Variants in ZNF804A observed in about 807,000 individuals in gnomAD.
The protein encoded by ZNF804A is zinc finger protein 804A.
ZNF804A carries 2 observed loss-of-function variants against 16.5 expected under a neutral mutation model. The observed-to-expected ratio is 0.12, with a 90% CI of 0.05 to 0.38. The LOEUF (loss-of-function observed/expected upper bound fraction) is 0.38, where lower values mean the gene tolerates loss of function less well. ZNF804A is among the 10% of genes least tolerant of loss of function. The pLI, the probability that ZNF804A is intolerant of heterozygous loss-of-function variation, is 0.99. For synonymous variants in ZNF804A, 534 were observed against 489.6 expected, an observed-to-expected ratio of 1.09 and a Z score of -1.20; for missense variants, 1,473 against 1,390.7, an observed-to-expected ratio of 1.06 and a Z score of -0.94.
intron 1 of ZNF804A, among the ~76,000 whole-genome samples, chr2:184,706,167 T>C (rs1693027693): frequency 6.6e-6 from 1 of 152,152 alleles, no homozygotes; most frequent in Non-Finnish European, 1.5e-5. Context: ...GCCAAACCAG[T>C]GGATACAGCC....
At chr2:184,700,555 ACTT>A (rs1692902680) in intron 1 of ZNF804A, among the ~76,000 whole-genome samples, 1 of 152,100 alleles carries the variant, frequency 6.6e-6, no homozygotes, top group Non-Finnish European at 1.5e-5. Context: ...TAAAAAAATG[ACTT>A]ATGAACTGAC....
intron 1 of ZNF804A, among the ~76,000 whole-genome samples, chr2:184,721,689 A>T (rs992625548): frequency 6.6e-6 from 1 of 152,138 alleles, no homozygotes; most frequent in East Asian, 1.9e-4. Context: ...TTTCTCAAAA[A>T]GCTAAAGCTA....
intron 2 of ZNF804A, among the ~76,000 whole-genome samples, chr2:184,882,910 G>T (rs953379241): frequency 6.6e-6 from 1 of 151,940 alleles, no homozygotes. Flanking sequence ...CACAAAGCTA[G>T]CAGAAGAAAA....
chr2:184,868,255 T>C (rs1329987501), intron 2 of ZNF804A, among the ~76,000 whole-genome samples: 1 of 152,102 alleles, frequency 6.6e-6, no homozygotes, highest in African/African-American at 2.4e-5. Context: ...TTCCAGAAGC[T>C]AAAAATATTA....
chr2:184,605,083 TA>T (rs1298655077), intron 1 of ZNF804A, among the ~76,000 whole-genome samples: 6 of 152,154 alleles, frequency 3.9e-5, no homozygotes, highest in African/African-American at 1.4e-4. Flanking sequence ...AATGGTTTAT[TA>T]AAAGTATTAT....
chr2:184,867,879 C>G (rs1399836765), intron 2 of ZNF804A, among the ~76,000 whole-genome samples: 1 of 151,990 alleles, frequency 6.6e-6, no homozygotes, highest in Admixed American at 6.6e-5. Flanking sequence ...GAGTATATTA[C>G]TACACATATG....
intron 1 of ZNF804A, among the ~76,000 whole-genome samples, chr2:184,746,916 G>A (rs914470169): frequency 1.3e-5 from 2 of 151,342 alleles, no homozygotes; most frequent in East Asian, 3.9e-4. Context: ...AATAAAGGAC[G>A]TATTTTTGAG....
chr2:184,827,917 AG>A (rs1416988784), intron 1 of ZNF804A, among the ~76,000 whole-genome samples: 2 of 151,774 alleles, frequency 1.3e-5, no homozygotes, highest in African/African-American at 4.8e-5. Flanking sequence ...TTTCCTTGAG[AG>A]TGCGTACTTG....
At chr2:184,854,241 C>T (rs1279150529) in intron 1 of ZNF804A, among the ~76,000 whole-genome samples, 1 of 151,926 alleles carries the variant, frequency 6.6e-6, no homozygotes, top group East Asian at 1.9e-4. Flanking sequence ...TACCTGACCT[C>T]ATGTGATGGA....
intron 2 of ZNF804A, among the ~76,000 whole-genome samples, chr2:184,884,566 A>G (rs925053848): frequency 6.6e-5 from 10 of 152,180 alleles, no homozygotes; most frequent in African/African-American, 2.2e-4. Flanking sequence ...CTGTAAAACT[A>G]TGGTAACCAG....
intron 1 of ZNF804A, among the ~76,000 whole-genome samples, chr2:184,600,537 A>G (rs1691028702): frequency 6.6e-6 from 1 of 152,232 alleles, no homozygotes; most frequent in African/African-American, 2.4e-5. Flanking sequence ...AGAAGTAAAA[A>G]AGGAAGGTAA....
At chr2:184,620,254 T>G (rs758315287) in intron 1 of ZNF804A, among the ~76,000 whole-genome samples, 9 of 151,728 alleles carry the variant, frequency 5.9e-5, no homozygotes, top group East Asian at 3.8e-4. Context: ...CATTCCTTCA[T>G]GCAAATCAAA....
chr2:184,732,262 TG>T (rs1478302686), intron 1 of ZNF804A, among the ~76,000 whole-genome samples: 1 of 151,882 alleles, frequency 6.6e-6, no homozygotes, highest in Non-Finnish European at 1.5e-5. Context: ...ATTTTTTTTT[TG>T]CATGTCAATA....
intron 1 of ZNF804A, among the ~76,000 whole-genome samples, chr2:184,765,605 AC>A (rs148315108): frequency 0.06 from 3,388 of 56,090 alleles, 145 homozygotes; most frequent in African/African-American, 0.16. Context: ...CCTCACATGC[AC>A]CCCCCCCCCT....
At chr2:184,719,355 G>A (rs1355507477) in intron 1 of ZNF804A, among the ~76,000 whole-genome samples, 1 of 151,950 alleles carries the variant, frequency 6.6e-6, no homozygotes, top group African/African-American at 2.4e-5. Context: ...GACATGCCCT[G>A]GAGACATTTT....
chr2:184,937,073 A>G lies in ZNF804A; in HGVS notation c.1677A>G (p.Glu559=). The G allele has an allele frequency of 6.2e-7, 1 of 1,603,358 alleles. No homozygotes were observed. Among genetic ancestry groups the G allele is most frequent in the South Asian group, 1.1e-5 (1 of 89,338 alleles). Residue 559 remains glutamate (E), a synonymous_variant, in exon 4 of 4, where the codon GAA becomes GAG. Coordinates refer to ENST00000302277, the MANE Select transcript of ZNF804A (RefSeq NM_194250.2). ...KNISCKIRET[E]KYNFTKSQIK... Reference sequence around the variant, plus strand: ...TTTCCTGTAAGATCAGAGAAACAGAAAAGTATAATTTTACTAAAAGTCAAA... The same window carrying G: ...TTTCCTGTAAGATCAGAGAAACAGAGAAGTATAATTTTACTAAAAGTCAAA...
At chr2:184,742,053 T>A (rs1469417337) in intron 1 of ZNF804A, among the ~76,000 whole-genome samples, 1 of 152,114 alleles carries the variant, frequency 6.6e-6, no homozygotes, top group Non-Finnish European at 1.5e-5. Context: ...AAATTGATTC[T>A]TATCAATAAG....
intron 1 of ZNF804A, among the ~76,000 whole-genome samples, chr2:184,846,696 TC>T (rs1695521939): frequency 1.3e-5 from 2 of 152,186 alleles, no homozygotes; most frequent in Admixed American, 6.6e-5. Flanking sequence ...TTCAGATTTT[TC>T]CAAACATGAA....
At chr2:184,727,057 A>C (rs1693425305) in intron 1 of ZNF804A, among the ~76,000 whole-genome samples, 1 of 151,616 alleles carries the variant, frequency 6.6e-6, no homozygotes, top group South Asian at 2.1e-4. Context: ...AAGCAAAATA[A>C]CACATAAAAC....
Sources: allele counts gnomAD v4.1 joint callset (sites outside exome capture counted in the v4.1 genomes callset), GRCh38; gene constraint gnomAD v4.1.1; transcripts MANE v1.5; gene names NCBI Gene and HGNC (gene_info 2026-07-23, HGNC 2026-07-21).